The following LOXHD1 variants were observed in gnomAD, a reference collection of about 807,000 sequenced individuals.
LOXHD1 encodes lipoxygenase homology domain-containing protein 1.
A neutral mutation model predicts 248.2 loss-of-function variants in LOXHD1; 205 were observed. The observed-to-expected ratio is 0.83, with a 90% CI of 0.74 to 0.93. The LOEUF is 0.93. Among genes scored for constraint, LOXHD1 ranks in the 40% least tolerant of loss-of-function variants. The pLI is 0.00. For synonymous variants in LOXHD1, 1,113 were observed against 1,162.8 expected (o/e 0.96, Z 0.87); for missense variants, 2,930 against 2,971.6 (o/e 0.99, Z 0.33).
chr18:46,480,207 CT>C (rs1413730858), intron 40 of LOXHD1, among the ~76,000 whole-genome samples: 2 of 152,080 alleles, frequency 1.3e-5, no homozygotes, highest in East Asian at 3.9e-4. Flanking sequence ...TCTAAACGTA[CT>C]TTTTTTTGCT....
intron 28 of LOXHD1, among the ~76,000 whole-genome samples, chr18:46,531,267 T>G (rs1029702467): frequency 6.6e-6 from 1 of 152,174 alleles, no homozygotes; most frequent in Non-Finnish European, 1.5e-5. Context: ...TGCAAAAACC[T>G]GTCAGCATTT....
At chr18:46,485,643 A>C (rs1228096532) in intron 38 of LOXHD1, among the ~76,000 whole-genome samples, 2 of 152,058 alleles carry the variant, frequency 1.3e-5, no homozygotes, top group Non-Finnish European at 2.9e-5. Context: ...ACAGGTGTGC[A>C]CTCCTCCAAC....
chr18:46,501,666 C>G (rs554102605), intron 37 of LOXHD1, among the ~76,000 whole-genome samples: 1 of 152,304 alleles, frequency 6.6e-6, no homozygotes, highest in Non-Finnish European at 1.5e-5. Context: ...ACCAGAGGCT[C>G]ACAGGAACCT....
Position 46,601,298 on chromosome 18 carries a change from C to T in LOXHD1, c.1053G>A (p.Leu351=), listed in dbSNP as rs140842472. The T allele has an allele frequency of 6.6e-4, 1,021 of 1,551,716 alleles. 7 individuals are homozygous for T. The African/African-American group carries it at 0.013, about 19-fold the overall frequency. ...RGRTDIFHIE[L]AVLLSPLSRV... is the part of the protein sequence containing the mutation. ...GACTCAGGGGGCTAAGGAGGACAGC[C>T]AGCTCGATGTGGAAGATGTCCGTGC... The change falls in exon 8 of 41, where the codon CTG becomes CTA. Residue 351 remains leucine, a synonymous_variant. Coordinates refer to ENST00000642948, the MANE Select transcript of LOXHD1 (RefSeq NM_001384474.1).
At position 46,557,252 on chromosome 18, in the gene LOXHD1, C is replaced by T. The variant is rs554151388; in HGVS notation, c.3350+104G>A. ...CACCCAGCCCACCCTCACCCTCCAC[C>T]GTCACAGCCGGCCCACCCCCAGTCT... On this transcript the variant is annotated intron_variant, in intron 21 of 40. Transcript: ENST00000642948. The T allele has an allele frequency of 8.7e-5, 124 of 1,418,172 alleles. No individual in the cohort carries two copies. In the East Asian group the frequency reaches 2.2e-3, roughly 25 times the overall value. 87.8% of individuals were successfully genotyped at this position (1,418,172 alleles called of 1,614,324 possible).
intron 40 of LOXHD1, among the ~76,000 whole-genome samples, chr18:46,479,143 T>C (rs2032309845): frequency 6.6e-6 from 1 of 152,030 alleles, no homozygotes; most frequent in Admixed American, 6.6e-5. Flanking sequence ...GTGACAATTT[T>C]AGGCAAAACC....
chr18:46,560,052 T>TGACCCCCCCCC, intron 19 of LOXHD1, 31 bp downstream of exon 19: 1 of 441,130 alleles, frequency 2.3e-6, no homozygotes, highest in East Asian at 7.2e-5. Flanking sequence ...GGCCACTCCC[T>TGACCCCCCCCC]CCCCACCCCC....
rs2036400597 is a variant in LOXHD1, at chr18:46,538,230, TCTG to T, written c.4018_4020del (p.Gln1340del). On this transcript the variant is annotated inframe_deletion, in exon 26 of 41. Coordinates refer to ENST00000642948, the MANE Select transcript of LOXHD1 (RefSeq NM_001384474.1). Reference sequence around the variant, plus strand: ...TCCCTCTTGTTGGTACACAGATACTTCTGCTGGGTGCACACGGCATCGCAGCCA... The same window carrying T: ...TCCCTCTTGTTGGTACACAGATACTTCTGGGTGCACACGGCATCGCAGCCA... 7 of 1,550,382 alleles carry T rather than the reference TCTG, an allele frequency of 4.5e-6. No homozygotes were observed. The highest frequency in any genetic ancestry group is 4.4e-6 in the Non-Finnish European group (5 of 1,145,928).
intron 29 of LOXHD1, among the ~76,000 whole-genome samples, chr18:46,525,661 G>A (rs2035796193): frequency 6.6e-6 from 1 of 152,090 alleles, no homozygotes; most frequent in Admixed American, 6.5e-5. Context: ...GAATGAGATG[G>A]GGCCAAGACA....
chr18:46,507,115 G>A (rs2034623426), intron 36 of LOXHD1, among the ~76,000 whole-genome samples: 1 of 152,222 alleles, frequency 6.6e-6, no homozygotes, highest in South Asian at 2.1e-4. Context: ...AGACCTGCAA[G>A]GTTTGGGCAG....
chr18:46,651,955 T>C (rs976893577), intron 1 of LOXHD1, among the ~76,000 whole-genome samples: 1 of 152,208 alleles, frequency 6.6e-6, no homozygotes, highest in African/African-American at 2.4e-5. Flanking sequence ...AACAGCTTTA[T>C]TCCTAATAGA....
At chr18:46,617,099 T>C (rs1379045212) in intron 5 of LOXHD1, among the ~76,000 whole-genome samples, 1 of 152,218 alleles carries the variant, frequency 6.6e-6, no homozygotes, top group African/African-American at 2.4e-5. Context: ...TCTAAAGGTA[T>C]TACTGGCATG....
intron 14 of LOXHD1, among the ~76,000 whole-genome samples, chr18:46,572,875 T>C (rs1181608749): frequency 6.6e-6 from 1 of 151,292 alleles, no homozygotes; most frequent in African/African-American, 2.4e-5. Context: ...ACAAAAAAAT[T>C]AGCCAGGTGT....
chr18:46,478,113 G>T (rs1051611988), intron 40 of LOXHD1, among the ~76,000 whole-genome samples, 161 bp from the exon 41 acceptor site: 1 of 152,176 alleles, frequency 6.6e-6, no homozygotes, highest in Admixed American at 6.5e-5. Flanking sequence ...ATGGATTCTT[G>T]TTTAACTTCA....
intron 21 of LOXHD1, among the ~76,000 whole-genome samples, chr18:46,556,408 T>A (rs192931614): frequency 1.1e-4 from 17 of 152,230 alleles, no homozygotes; most frequent in African/African-American, 4.1e-4. Flanking sequence ...TCTAAACAGA[T>A]GGACCTCAAG....
In LOXHD1 at chr18:46,572,106, T is replaced by C. The variant is rs16978578; in HGVS notation, c.2027A>G (p.Asp676Gly). The C allele has an allele frequency of 1.4e-3, 2,100 of 1,551,826 alleles. 30 individuals carry two copies. The African/African-American group carries it at 0.026, about 19-fold the overall frequency. The change falls in exon 15 of 41, where the codon GAC becomes GGC. Residue 676 changes from aspartate to glycine, a missense_variant. Physicochemically the swap from Asp to Gly is moderately conservative, Grantham distance 94. Transcript: ENST00000642948. ...CTCACTCTTCAGTGTCGCGCTGCTGTCACTGGGTAGCAACTCTCGGACCAG... is the reference window on the plus strand; with the variant it reads ...CTCACTCTTCAGTGTCGCGCTGCTGCCACTGGGTAGCAACTCTCGGACCAG... ...GQLVRELLPSDSSATLKNFRY... is the reference protein window; with the variant it reads ...GQLVRELLPSGSSATLKNFRY...
chr18:46,485,923 T>C (rs2033011859), intron 38 of LOXHD1, among the ~76,000 whole-genome samples: 1 of 151,928 alleles, frequency 6.6e-6, no homozygotes, highest in African/African-American at 2.4e-5. Context: ...TGCTCCTCCC[T>C]AGAGCTCTGC....
intron 34 of LOXHD1, among the ~76,000 whole-genome samples, chr18:46,517,382 C>A (rs1013704317): frequency 2.0e-5 from 3 of 152,124 alleles, no homozygotes; most frequent in African/African-American, 7.2e-5. Flanking sequence ...GGCCATGGGA[C>A]TTTGAGCATA....
At chr18:46,560,048 T>TGCCG in intron 19 of LOXHD1, 35 bp downstream of exon 19, 15 of 1,226,290 alleles carry the variant, frequency 1.2e-5, no homozygotes, top group African/African-American at 1.6e-5. Context: ...GTCTGGCCAC[T>TGCCG]CCCTCCCCAC....
Sources: allele counts gnomAD v4.1 joint callset (sites outside exome capture counted in the v4.1 genomes callset), GRCh38; gene constraint gnomAD v4.1.1; transcripts MANE v1.5; gene names NCBI Gene and HGNC (gene_info 2026-07-23, HGNC 2026-07-21).